LINGO2: variants seen among roughly 807,000 people sequenced by gnomAD.
LINGO2 encodes the protein leucine-rich repeat and immunoglobulin-like domain-containing nogo receptor-interacting protein 2.
LINGO2 carries 14 observed loss-of-function variants against 30.6 expected under a neutral mutation model. The observed-to-expected ratio is 0.46, with a 90% CI of 0.30 to 0.72. The LOEUF is 0.72. Among genes scored for constraint, LINGO2 ranks in the 30% least tolerant of loss-of-function variants. The probability of loss-of-function intolerance (pLI) is 0.07; values close to 1 mark genes in which losing one functional copy is unlikely to be tolerated. For synonymous variants in LINGO2, 317 were observed against 288.5 expected, an observed-to-expected ratio of 1.10 and a Z score of -1.00; for missense variants, 729 against 751.7, an observed-to-expected ratio of 0.97 and a Z score of 0.35.
chr9:28,566,374 T>G (rs1823382062), intron 1 of LINGO2, among the ~76,000 whole-genome samples: 1 of 152,156 alleles, frequency 6.6e-6, no homozygotes, highest in Admixed American at 6.5e-5. Context: ...TCAGTAGAAT[T>G]TGCCATCAAA....
At chr9:28,122,642 C>G (rs1181318473) in intron 4 of LINGO2, among the ~76,000 whole-genome samples, 1 of 152,166 alleles carries the variant, frequency 6.6e-6, no homozygotes, top group Admixed American at 6.5e-5. Flanking sequence ...GTTCCTCCTC[C>G]TGGACTTCTT....
At chr9:29,062,594 A>T in the LINGO2 span, among the ~76,000 whole-genome samples, 1 of 152,278 alleles carries the variant, frequency 6.6e-6, no homozygotes, top group East Asian at 1.9e-4. Flanking sequence ...CAAAATGACA[A>T]ATTGTACATG....
the LINGO2 span, among the ~76,000 whole-genome samples, chr9:28,985,726 T>C: frequency 6.6e-6 from 1 of 152,052 alleles, no homozygotes; most frequent in African/African-American, 2.4e-5. Flanking sequence ...ATTTTCTCGC[T>C]ATTGAATTGT....
At chr9:28,590,067 T>C (rs1824795207) in intron 1 of LINGO2, among the ~76,000 whole-genome samples, 1 of 152,140 alleles carries the variant, frequency 6.6e-6, no homozygotes, top group Non-Finnish European at 1.5e-5. Flanking sequence ...GGAATCCCTA[T>C]TTAATAAATG....
chr9:28,548,185 A>G (rs964094719), intron 1 of LINGO2, among the ~76,000 whole-genome samples: 3 of 152,070 alleles, frequency 2.0e-5, no homozygotes, highest in African/African-American at 7.2e-5. Context: ...CTCAAATATC[A>G]ACTTTATATT....
At chr9:28,373,861 C>T (rs1306625700) in intron 2 of LINGO2, among the ~76,000 whole-genome samples, 3 of 148,208 alleles carry the variant, frequency 2.0e-5, no homozygotes, top group Non-Finnish European at 4.4e-5. Context: ...GATCAGGCCA[C>T]TGCACTCCAG....
chr9:28,865,653 T>A, the LINGO2 span, among the ~76,000 whole-genome samples: 2 of 152,026 alleles, frequency 1.3e-5, no homozygotes, highest in Non-Finnish European at 2.9e-5. Flanking sequence ...GCATAGTGGC[T>A]TGCGCCTGTA....
At chr9:28,030,898 C>G (rs183415708) in intron 4 of LINGO2, among the ~76,000 whole-genome samples, 1 of 152,104 alleles carries the variant, frequency 6.6e-6, no homozygotes, top group South Asian at 2.1e-4. Context: ...ATCCTGTATT[C>G]GCTTGCATAC....
the LINGO2 span, among the ~76,000 whole-genome samples, chr9:28,692,197 G>A: frequency 2.0e-5 from 3 of 152,106 alleles, no homozygotes; most frequent in Admixed American, 6.6e-5. Context: ...AATTTCGGCC[G>A]GGCATGGTGG....
chr9:28,541,833 G>A (rs1821712411), intron 1 of LINGO2, among the ~76,000 whole-genome samples: 1 of 152,128 alleles, frequency 6.6e-6, no homozygotes, highest in South Asian at 2.1e-4. Context: ...ATCTTGATTA[G>A]AGTTAAAATT....
intron 3 of LINGO2, among the ~76,000 whole-genome samples, chr9:28,309,510 C>T (rs948909790): frequency 6.6e-6 from 1 of 151,450 alleles, no homozygotes; most frequent in Admixed American, 6.6e-5. Context: ...TGCAGCACAC[C>T]AGCATGGCAC....
At chr9:28,333,461 A>C (rs992293520) in intron 3 of LINGO2, among the ~76,000 whole-genome samples, 5 of 152,198 alleles carry the variant, frequency 3.3e-5, no homozygotes, top group African/African-American at 9.7e-5. Flanking sequence ...TATTTAGGAC[A>C]ACTGCATGGC....
intron 1 of LINGO2, among the ~76,000 whole-genome samples, chr9:28,634,221 T>C (rs949908579): frequency 1.3e-5 from 2 of 152,288 alleles, no homozygotes; most frequent in Admixed American, 1.3e-4. Flanking sequence ...AATACGCTGG[T>C]TTTCTTAAAC....
the LINGO2 span, among the ~76,000 whole-genome samples, chr9:28,859,681 A>G: frequency 6.6e-6 from 1 of 152,008 alleles, no homozygotes; most frequent in African/African-American, 2.4e-5. Flanking sequence ...AGGATCAGGA[A>G]CTATGTTAGT....
intron 2 of LINGO2, among the ~76,000 whole-genome samples, chr9:28,380,627 G>T (rs1281279446): frequency 6.6e-6 from 1 of 151,994 alleles, no homozygotes; most frequent in African/African-American, 2.4e-5. Flanking sequence ...ACCATATCGT[G>T]GAGGTCATTC....
rs193099282 is a variant in LINGO2, at chr9:28,322,837, A to T, written c.-245-27471T>A. ...CACAATGTTTATTTATTGTGAAATC[A>T]TTCAGTGAAAGTAATAAGATTGCCT... On this transcript the variant is annotated intron_variant, in intron 3 of 5. Transcript: ENST00000379992. 1.3e-4 allele frequency among the ~76,000 whole-genome samples: 20 copies of T among 152,334 alleles called. No homozygotes were observed. In the East Asian group the frequency reaches 3.9e-3, roughly 29 times the overall value.
At chr9:28,047,673 A>G (rs1824486155) in intron 4 of LINGO2, among the ~76,000 whole-genome samples, 1 of 150,884 alleles carries the variant, frequency 6.6e-6, no homozygotes, top group African/African-American at 2.4e-5. Context: ...GAGGTCTTCT[A>G]TGAATAACCT....
At chr9:28,712,420 C>A in the LINGO2 span, among the ~76,000 whole-genome samples, 1 of 150,652 alleles carries the variant, frequency 6.6e-6, no homozygotes. Flanking sequence ...CTTAGGGAGC[C>A]CAAGCCTAGG....
intron 4 of LINGO2, among the ~76,000 whole-genome samples, chr9:28,194,561 T>C (rs1296363758): frequency 8.7e-6 from 1 of 114,510 alleles, no homozygotes; most frequent in African/African-American, 3.4e-5. Context: ...CTCTCTATCC[T>C]AAAAAAAAAA....
Sources: allele counts gnomAD v4.1 joint callset (sites outside exome capture counted in the v4.1 genomes callset), GRCh38; gene constraint gnomAD v4.1.1; transcripts MANE v1.5; gene names NCBI Gene and HGNC (gene_info 2026-07-23, HGNC 2026-07-21).